Variants in ARHGEF28 observed in about 807,000 individuals in gnomAD.
ARHGEF28 encodes the protein Rho guanine nucleotide exchange factor 28, also known as 190 kDa guanine nucleotide exchange factor.
In ARHGEF28, 152 loss-of-function variants were observed where a neutral mutation model predicts 206.6. That is an observed-to-expected ratio of 0.74 (90% CI 0.64 to 0.84). The LOEUF is 0.84. Among genes scored for constraint, ARHGEF28 ranks in the 40% least tolerant of loss-of-function variants. ARHGEF28 has a pLI of 0.00. For missense variants in ARHGEF28, 2,028 were observed against 2,073.2 expected, an observed-to-expected ratio of 0.98 and a Z score of 0.42; for synonymous variants, 763 against 776.4, an observed-to-expected ratio of 0.98 and a Z score of 0.29.
intron 35 of ARHGEF28, among the ~76,000 whole-genome samples, chr5:73,915,579 A>T (rs1263289498): frequency 6.6e-6 from 1 of 152,218 alleles, no homozygotes; most frequent in Non-Finnish European, 1.5e-5. Flanking sequence ...TCTGTGGGAC[A>T]ATTGCTATGT....
chr5:73,807,344 C>T (rs1021041436), intron 9 of ARHGEF28, among the ~76,000 whole-genome samples: 3 of 152,124 alleles, frequency 2.0e-5, no homozygotes, highest in Non-Finnish European at 2.9e-5. Flanking sequence ...TCAGGTTATG[C>T]TCAGAAACTT....
intron 10 of ARHGEF28, among the ~76,000 whole-genome samples, chr5:73,838,254 A>G (rs984755004): frequency 2.1e-4 from 13 of 61,142 alleles, no homozygotes; most frequent in Admixed American, 4.2e-4. Context: ...ATATTAGCAT[A>G]GTACTTTTTT....
At position 73,780,660 on chromosome 5, in the gene ARHGEF28, C is replaced by A; in HGVS notation, c.841-16C>A. ...TTCTGTGCTTTTTTGTTTTTTTTTT[C>A]CCCATTGTTTCCTAGGCCTTTGAGC... On this transcript the variant is annotated splice_polypyrimidine_tract_variant and intron_variant, in intron 6 of 35. Transcript: ENST00000513042. The A allele has an allele frequency of 6.5e-7, 1 of 1,532,292 alleles. No homozygotes were observed. Among genetic ancestry groups the A allele is most frequent in the Non-Finnish European group, 8.8e-7 (1 of 1,139,322 alleles). 94.9% of individuals were successfully genotyped at this position (1,532,292 alleles called of 1,614,324 possible). A position where few individuals can be genotyped will look rare whatever the true frequency, so the allele number is the denominator to read the frequency against.
At chr5:73,635,677 G>A (rs1243975656) in intron 1 of ARHGEF28, among the ~76,000 whole-genome samples, 1 of 152,136 alleles carries the variant, frequency 6.6e-6, no homozygotes, top group African/African-American at 2.4e-5. Context: ...CCACATTTAG[G>A]TATAAGAATC....
chr5:73,929,074 A>G (rs972393093), intron 35 of ARHGEF28, among the ~76,000 whole-genome samples: 12 of 152,084 alleles, frequency 7.9e-5, no homozygotes, highest in African/African-American at 2.4e-4. Context: ...AAAAGTTCCT[A>G]CTTCTTAACA....
rs564974161 is a variant in ARHGEF28 at position 73,822,170 on chromosome 5, G to C, written c.1025-10168G>C. Among the ~76,000 whole-genome samples the C allele has an allele frequency of 4.0e-3, 606 of 152,240 alleles. 4 individuals carry two copies. The highest frequency in any genetic ancestry group is 0.014 in the African/African-American group (581 of 41,534). ...AGGGGGTTTAAACTGTGCTTTTCCGGGGGGAAGGAGGAGCTGGAGAAACAG... is the reference window on the plus strand; with the variant it reads ...AGGGGGTTTAAACTGTGCTTTTCCGCGGGGAAGGAGGAGCTGGAGAAACAG... On this transcript the variant is annotated intron_variant, in intron 9 of 35. Coordinates refer to ENST00000513042, the MANE Select transcript of ARHGEF28 (RefSeq NM_001177693.2).
chr5:73,665,285 G>A (rs114173335), intron 1 of ARHGEF28, among the ~76,000 whole-genome samples: 1 of 152,240 alleles, frequency 6.6e-6, no homozygotes. Context: ...TACAGAAAAG[G>A]TTCCCATCCT....
intron 26 of ARHGEF28, among the ~76,000 whole-genome samples, chr5:73,891,308 G>C (rs555409790): frequency 6.6e-6 from 1 of 152,190 alleles, no homozygotes; most frequent in African/African-American, 2.4e-5. Flanking sequence ...TAGTCCATGG[G>C]CTGGGCTTCT....
intron 2 of ARHGEF28, among the ~76,000 whole-genome samples, chr5:73,707,593 A>T (rs1002933744): frequency 2.6e-5 from 4 of 152,242 alleles, no homozygotes; most frequent in African/African-American, 7.2e-5. Context: ...GTATTCTTGA[A>T]TATAGCCATA....
chr5:73,882,890 G>A (rs891598984), intron 23 of ARHGEF28, among the ~76,000 whole-genome samples: 1 of 152,058 alleles, frequency 6.6e-6, no homozygotes, highest in Admixed American at 6.6e-5. Context: ...AAAAATCAAA[G>A]TGAAAATAAA....
intron 2 of ARHGEF28, among the ~76,000 whole-genome samples, chr5:73,712,914 A>G (rs1317746583): frequency 3.9e-5 from 6 of 152,188 alleles, no homozygotes; most frequent in Admixed American, 6.5e-5. Context: ...TTGTTTATCA[A>G]TCTATTAAAT....
intron 6 of ARHGEF28, 22 bp from the exon 7 acceptor site, chr5:73,780,654 T>C: frequency 3.2e-6 from 5 of 1,546,554 alleles, no homozygotes; most frequent in Non-Finnish European, 4.4e-6. Flanking sequence ...TTTTTGTTTT[T>C]TTTTTCCCCA....
At chr5:73,705,240 G>C (rs2112295713) in intron 2 of ARHGEF28, among the ~76,000 whole-genome samples, 1 of 152,268 alleles carries the variant, frequency 6.6e-6, no homozygotes, top group South Asian at 2.1e-4. Context: ...AAGCAACCAA[G>C]GCAAGCAACC....
chr5:73,909,836 GC>G lies in ARHGEF28; in HGVS notation c.4588del (p.His1530ThrfsTer21). 6.5e-7 allele frequency: 1 copy of G among 1,539,288 alleles called. No homozygotes were observed. The highest frequency in any genetic ancestry group is 1.2e-5 in the South Asian group (1 of 80,504). On this transcript the variant is annotated frameshift_variant, in exon 34 of 36. Transcript: ENST00000513042. LOFTEE classifies it high-confidence loss of function. Reference sequence around the variant, plus strand: ...ATGCGGGCCCAGCAGAGCCTGCTGGGCCACTGGAAGCACGGCCGGCAGAGGA... The same window carrying G: ...ATGCGGGCCCAGCAGAGCCTGCTGGGCACTGGAAGCACGGCCGGCAGAGGA... ...ARMRAQQSLL[G>X]HWKHGRQRSL...
rs142583364 is a variant in ARHGEF28, at chr5:73,907,338, G to A, written c.4162-2074G>A. On this transcript the variant is annotated intron_variant, in intron 33 of 35. Coordinates refer to ENST00000513042, the MANE Select transcript of ARHGEF28 (RefSeq NM_001177693.2). Reference sequence around the variant, plus strand: ...GCAGCCCTGTGTAGATTCAAGGTTCGGAAAAGCTGGATCACCTGAATGACC... The same window carrying A: ...GCAGCCCTGTGTAGATTCAAGGTTCAGAAAAGCTGGATCACCTGAATGACC... Among the ~76,000 whole-genome samples, 885 of 151,068 alleles carry A rather than the reference G, an allele frequency of 5.9e-3. 3 individuals are homozygous for A. Among genetic ancestry groups the A allele is most frequent in the Admixed American group, 9.0e-3 (136 of 15,160 alleles).
chr5:73,700,925 C>T (rs1475521676), intron 2 of ARHGEF28, among the ~76,000 whole-genome samples: 1 of 152,128 alleles, frequency 6.6e-6, no homozygotes, highest in South Asian at 2.1e-4. Context: ...GTTAGTGGAA[C>T]AAAATGAGTT....
At chr5:73,717,795 C>G (rs1475475613) in intron 2 of ARHGEF28, among the ~76,000 whole-genome samples, 1 of 152,120 alleles carries the variant, frequency 6.6e-6, no homozygotes, top group East Asian at 1.9e-4. Context: ...TTGTATCAAT[C>G]AGAGCAATAA....
intron 2 of ARHGEF28, among the ~76,000 whole-genome samples, chr5:73,737,484 T>TTTCTTTTCTC (rs1751040781): frequency 8.2e-6 from 1 of 121,746 alleles, no homozygotes; most frequent in African/African-American, 3.9e-5. Context: ...TTTCTTTTCT[T>TTTCTTTTCTC]TTCTTTTCTT....
intron 16 of ARHGEF28, among the ~76,000 whole-genome samples, chr5:73,859,318 A>C (rs1265383972): frequency 6.6e-6 from 1 of 152,196 alleles, no homozygotes; most frequent in African/African-American, 2.4e-5. Flanking sequence ...AATAGATTTC[A>C]TGGTATTTGT....
Sources: allele counts gnomAD v4.1 joint callset (sites outside exome capture counted in the v4.1 genomes callset), GRCh38; gene constraint gnomAD v4.1.1; transcripts MANE v1.5; gene names NCBI Gene and HGNC (gene_info 2026-07-23, HGNC 2026-07-21).